NELL1: variants seen among roughly 807,000 people sequenced by gnomAD.
NELL1 encodes the protein protein kinase C-binding protein NELL1.
In NELL1, 76 loss-of-function variants were observed where a neutral mutation model predicts 107.4. The observed-to-expected ratio is 0.71, with a 90% CI of 0.59 to 0.86. The LOEUF (loss-of-function observed/expected upper bound fraction) is 0.86. Among genes scored for constraint, NELL1 ranks in the 40% least tolerant of loss-of-function variants. The pLI is 0.00. For missense variants in NELL1, 1,024 were observed against 1,005.5 expected, an observed-to-expected ratio of 1.02 and a Z score of -0.25; for synonymous variants, 353 against 341.2, an observed-to-expected ratio of 1.03 and a Z score of -0.38.
chr11:21,554,452 G>A (rs1010198082), intron 16 of NELL1, among the ~76,000 whole-genome samples: 1 of 151,848 alleles, frequency 6.6e-6, no homozygotes. Flanking sequence ...CAGAATTCAC[G>A]TGGAAATCCT....
At chr11:21,321,080 C>T (rs1040832874) in intron 14 of NELL1, among the ~76,000 whole-genome samples, 2 of 152,186 alleles carry the variant, frequency 1.3e-5, no homozygotes, top group Admixed American at 1.3e-4. Context: ...TGTTTTAGAA[C>T]TCTTTCTTCA....
At chr11:21,332,190 T>C (rs1261436609) in intron 14 of NELL1, among the ~76,000 whole-genome samples, 1 of 152,044 alleles carries the variant, frequency 6.6e-6, no homozygotes, top group East Asian at 1.9e-4. Flanking sequence ...GGTTATTCTT[T>C]GACTGGCTTT....
chr11:20,934,049 T>C (rs554530754), intron 9 of NELL1, among the ~76,000 whole-genome samples: 49 of 152,236 alleles, frequency 3.2e-4, no homozygotes, highest in Middle Eastern at 3.4e-3. Context: ...GAGTCCCAAA[T>C]GCCCCAGCCA....
At chr11:21,040,564 A>C (rs888262273) in intron 12 of NELL1, among the ~76,000 whole-genome samples, 25 of 152,142 alleles carry the variant, frequency 1.6e-4, no homozygotes, top group African/African-American at 6.0e-4. Flanking sequence ...TATGAGCACA[A>C]AGAAGGAGCT....
chr11:20,767,675 GC>G (rs1465801662), intron 2 of NELL1, among the ~76,000 whole-genome samples: 4 of 152,180 alleles, frequency 2.6e-5, no homozygotes, highest in African/African-American at 9.7e-5. Flanking sequence ...TCCTTGAGGG[GC>G]TATTGGCCTA....
chr11:21,309,249 AATATATATATGTATATATAT>A (rs1181195446), intron 14 of NELL1, among the ~76,000 whole-genome samples: 28 of 101,944 alleles, frequency 2.7e-4, no homozygotes, highest in Middle Eastern at 5.1e-3. Flanking sequence ...ACCCACTCTA[AATATATATATGTATATATAT>A]ATATATATAT....
At chr11:21,367,300 ACAATCT>A (rs1479334323) in intron 14 of NELL1, among the ~76,000 whole-genome samples, 8 of 119,224 alleles carry the variant, frequency 6.7e-5, no homozygotes, top group Non-Finnish European at 1.5e-4. Flanking sequence ...ACACACACAC[ACAATCT>A]ATTTTTGCCA....
chr11:21,089,932 A>G (rs188670046), intron 12 of NELL1, among the ~76,000 whole-genome samples: 4 of 152,290 alleles, frequency 2.6e-5, no homozygotes, highest in Admixed American at 2.6e-4. Context: ...TATTGTGGTT[A>G]GGCTTTCGTA....
At chr11:21,036,217 G>A (rs1853089368) in intron 12 of NELL1, among the ~76,000 whole-genome samples, 1 of 152,060 alleles carries the variant, frequency 6.6e-6, no homozygotes, top group African/African-American at 2.4e-5. Context: ...ACAAAACACT[G>A]CTCAAGTAAA....
chr11:20,985,126 C>T (rs1322258861), intron 12 of NELL1, among the ~76,000 whole-genome samples: 1 of 152,090 alleles, frequency 6.6e-6, no homozygotes, highest in Non-Finnish European at 1.5e-5. Flanking sequence ...TATATCTCGC[C>T]TCATTTCCTA....
intron 4 of NELL1, among the ~76,000 whole-genome samples, chr11:20,881,571 A>C (rs1849408243): frequency 1.3e-5 from 2 of 152,198 alleles, no homozygotes; most frequent in Non-Finnish European, 2.9e-5. Flanking sequence ...CCCTCAATAC[A>C]CAATGTCGGC....
chr11:21,489,500 C>T (rs1248549672), intron 15 of NELL1, among the ~76,000 whole-genome samples: 1 of 147,134 alleles, frequency 6.8e-6, no homozygotes, highest in African/African-American at 2.5e-5. Context: ...AAAAAGAAAA[C>T]TATAGGCCAA....
intron 15 of NELL1, among the ~76,000 whole-genome samples, chr11:21,459,945 A>G (rs751664074): frequency 2.0e-5 from 3 of 152,084 alleles, no homozygotes; most frequent in Non-Finnish European, 2.9e-5. Flanking sequence ...TTGGAGAAGA[A>G]GCAGGTTATA....
intron 15 of NELL1, among the ~76,000 whole-genome samples, chr11:21,515,107 A>G (rs1453279168): frequency 1.3e-5 from 2 of 152,224 alleles, no homozygotes; most frequent in East Asian, 1.9e-4. Context: ...AAAGTACTTA[A>G]TAATTCCCTT....
intron 13 of NELL1, among the ~76,000 whole-genome samples, chr11:21,134,259 A>G (rs1339533324): frequency 2.0e-5 from 3 of 152,222 alleles, no homozygotes; most frequent in Non-Finnish European, 2.9e-5. Flanking sequence ...TAGGATGACC[A>G]AAGAAAGCTT....
At chr11:20,961,954 AG>A (rs1851300362) in intron 12 of NELL1, among the ~76,000 whole-genome samples, 1 of 152,158 alleles carries the variant, frequency 6.6e-6, no homozygotes, top group Non-Finnish European at 1.5e-5. Context: ...AGTACCTTGT[AG>A]GAACCCTCTG....
At chr11:20,749,469 T>C (rs1879141) in intron 2 of NELL1, among the ~76,000 whole-genome samples, 87,727 of 151,600 alleles carry the variant, frequency 0.58, 26,458 homozygotes, top group Middle Eastern at 0.74. Flanking sequence ...GGCATAGTGG[T>C]ATGTGCTTGT....
intron 12 of NELL1, among the ~76,000 whole-genome samples, chr11:21,005,410 G>A (rs928651881): frequency 6.6e-6 from 1 of 152,150 alleles, no homozygotes; most frequent in Non-Finnish European, 1.5e-5. Context: ...CCACCCTGTG[G>A]CTGTTCAGAC....
intron 9 of NELL1, among the ~76,000 whole-genome samples, chr11:20,932,475 T>C (rs1302455245): frequency 2.0e-5 from 3 of 152,184 alleles, no homozygotes; most frequent in South Asian, 2.1e-4. Flanking sequence ...ATGATGAAGA[T>C]TGTATCCCAA....
Sources: allele counts gnomAD v4.1 joint callset (sites outside exome capture counted in the v4.1 genomes callset), GRCh38; gene constraint gnomAD v4.1.1; transcripts MANE v1.5; gene names NCBI Gene and HGNC (gene_info 2026-07-23, HGNC 2026-07-21).